TENT5D: variants seen among roughly 807,000 people sequenced by gnomAD.
The protein encoded by TENT5D is terminal nucleotidyltransferase 5D.
For synonymous variants in TENT5D, 103 were observed against 100.6 expected, an observed-to-expected ratio of 1.02 and a Z score of -0.15; for missense variants, 191 against 287.0, an observed-to-expected ratio of 0.67 and a Z score of 2.42.
chrX:80,438,777 A>T (rs994488376), intron 2 of TENT5D, 45 bp downstream of exon 2: 2 of 110,721 alleles, frequency 1.8e-5, no homozygotes, highest in East Asian at 5.7e-4. Flanking sequence ...ATATAGTTCT[A>T]ATATTAATAT....
chrX:80,384,089 C>T (rs1930936181), intron 3 of TENT5D, among the ~76,000 whole-genome samples: 1 of 107,756 alleles, frequency 9.3e-6, no homozygotes, highest in Non-Finnish European at 1.9e-5. Context: ...CAAGCATCAT[C>T]CTGATACCAA....
chrX:80,436,201 ATATCTGAATATCT>A (rs1446856963), intron 1 of TENT5D, among the ~76,000 whole-genome samples: 1 of 110,829 alleles, frequency 9.0e-6, no homozygotes, highest in African/African-American at 3.3e-5. Context: ...ACTAAATAGA[ATATCTGAATATCT>A]TATCTGAATG....
intron 2 of TENT5D, among the ~76,000 whole-genome samples, chrX:80,339,071 CA>C (rs1246227741): frequency 9.0e-6 from 1 of 110,970 alleles, no homozygotes; most frequent in Non-Finnish European, 1.9e-5. Flanking sequence ...AGAAAAACAA[CA>C]AAAAAATTCC....
At chrX:80,382,983 C>T (rs1042884467) in intron 3 of TENT5D, among the ~76,000 whole-genome samples, 1 of 111,848 alleles carries the variant, frequency 8.9e-6, no homozygotes, top group African/African-American at 3.2e-5. Flanking sequence ...CTTCAGCTCG[C>T]CTTCCATGGG....
chrX:80,342,655 G>A lies in TENT5D; in HGVS notation c.-142+91G>A, dbSNP rs765907406. 7 of 112,109 alleles carry A rather than the reference G, an allele frequency of 6.2e-5. No individual in the cohort carries two copies. The East Asian group carries it at 2.0e-3, about 31-fold the overall frequency. The allele number at this position is 112,109 out of a possible 1,213,427, so 9.2% of individuals were successfully genotyped here. On this transcript the variant is annotated intron_variant, in intron 3 of 4. Coordinates refer to the TENT5D transcript ENST00000538312. ...TTGTTAAAGACCATACATCAGATTAGTGTGAATTAACCCTTTCATTTTTTA... is the reference window on the plus strand; with the variant it reads ...TTGTTAAAGACCATACATCAGATTAATGTGAATTAACCCTTTCATTTTTTA...
intron 3 of TENT5D, among the ~76,000 whole-genome samples, chrX:80,392,807 C>T (rs932511567): frequency 2.7e-5 from 3 of 110,393 alleles, no homozygotes; most frequent in Non-Finnish European, 3.8e-5. Context: ...TGAGCCACCG[C>T]GCCCGGCCAT....
chrX:80,424,985 AG>A (rs1931961851), intron 1 of TENT5D, among the ~76,000 whole-genome samples: 1 of 112,617 alleles, frequency 8.9e-6, no homozygotes, highest in African/African-American at 3.2e-5. Flanking sequence ...CCACAGATTA[AG>A]AACCCTGTAC....
chrX:80,392,610 G>A (rs1419164439), intron 3 of TENT5D, among the ~76,000 whole-genome samples: 1 of 96,939 alleles, frequency 1.0e-5, no homozygotes, highest in Non-Finnish European at 2.0e-5. Flanking sequence ...TCCGCTTCCC[G>A]GGTTCACGCC....
chrX:80,388,890 C>A lies in TENT5D; in HGVS notation c.-142+46326C>A, dbSNP rs765661689. Among the ~76,000 whole-genome samples the A allele has an allele frequency of 2.3e-4, 26 of 111,431 alleles. 1 individual carries two copies. The highest frequency in any genetic ancestry group is 9.6e-5 in the Admixed American group (1 of 10,462). ...TCCAGAGCACTTTACCCCACAGTGG[C>A]AAGGCTTGCTGGAACTCAGTTTCCA... On this transcript the variant is annotated intron_variant, in intron 3 of 4. Coordinates refer to the TENT5D transcript ENST00000538312.
chrX:80,410,744 G>A (rs1217386476), intron 3 of TENT5D, among the ~76,000 whole-genome samples: 1 of 108,979 alleles, frequency 9.2e-6, no homozygotes. Flanking sequence ...CCATTACTGG[G>A]TATATACCCA....
chrX:80,385,791 A>G (rs1930984588), intron 3 of TENT5D, among the ~76,000 whole-genome samples: 1 of 112,630 alleles, frequency 8.9e-6, no homozygotes, highest in African/African-American at 3.2e-5. Context: ...TCAAAAGAAG[A>G]CATTTATGCA....
At chrX:80,392,548 C>T (rs1199695203) in intron 3 of TENT5D, among the ~76,000 whole-genome samples, 3 of 73,598 alleles carry the variant, frequency 4.1e-5, no homozygotes, top group Non-Finnish European at 6.8e-5. Context: ...CTCGCTCTGT[C>T]GCCCAGGCCG....
chrX:80,400,454 C>G (rs1449264857), intron 3 of TENT5D, among the ~76,000 whole-genome samples: 1 of 111,534 alleles, frequency 9.0e-6, no homozygotes, highest in African/African-American at 3.3e-5. Flanking sequence ...TAAAATGAAG[C>G]CCGCAAATTC....
At chrX:80,421,336 C>G (rs941513515) in intron 1 of TENT5D, among the ~76,000 whole-genome samples, 49 of 111,299 alleles carry the variant, frequency 4.4e-4, no homozygotes, top group African/African-American at 1.5e-3. Context: ...CAGGCATGCA[C>G]CACCACACCC....
At chrX:80,403,269 T>C (rs1011790923) in intron 3 of TENT5D, among the ~76,000 whole-genome samples, 2 of 112,355 alleles carry the variant, frequency 1.8e-5, no homozygotes. Context: ...GTCTGGTTTT[T>C]TCTTAAGGTT....
At chrX:80,351,942 C>G (rs759150087) in intron 3 of TENT5D, among the ~76,000 whole-genome samples, 1 of 112,250 alleles carries the variant, frequency 8.9e-6, no homozygotes, top group African/African-American at 3.2e-5. Flanking sequence ...GAGGTCTACT[C>G]TAGACCCTAT....
chrX:80,362,180 T>C (rs186314880), intron 3 of TENT5D, among the ~76,000 whole-genome samples: 4 of 111,267 alleles, frequency 3.6e-5, no homozygotes, highest in Admixed American at 2.9e-4. Flanking sequence ...TTTTTTTTTC[T>C]TGAGACGGAG....
intron 3 of TENT5D, among the ~76,000 whole-genome samples, chrX:80,352,088 T>C (rs1930188327): frequency 8.9e-6 from 1 of 111,798 alleles, no homozygotes; most frequent in Non-Finnish European, 1.9e-5. Context: ...TATCAACCCT[T>C]GTTGGGAGGT....
At chrX:80,342,673 A>AT (rs753321055) in intron 3 of TENT5D, 1 of 111,903 alleles carries the variant, frequency 8.9e-6, no homozygotes, top group Admixed American at 9.5e-5. Context: ...TAACCCTTTC[A>AT]TTTTTTATTT....
Sources: allele counts gnomAD v4.1 joint callset (sites outside exome capture counted in the v4.1 genomes callset), GRCh38; gene constraint gnomAD v4.1.1; transcripts MANE v1.5; gene names NCBI Gene and HGNC (gene_info 2026-07-23, HGNC 2026-07-21).